Variants in TLN2 observed in about 807,000 individuals in gnomAD.
TLN2 encodes talin 2, also known as talin-2.
A neutral mutation model predicts 294.7 loss-of-function variants in TLN2; 118 were observed. The observed-to-expected ratio is 0.40, with a 90% CI of 0.34 to 0.47. The LOEUF (loss-of-function observed/expected upper bound fraction) is 0.47. Among genes scored for constraint, TLN2 ranks in the 20% least tolerant of loss-of-function variants. The pLI, the probability that TLN2 is intolerant of heterozygous loss-of-function variation, is 0.84. For missense variants in TLN2, 3,083 were observed against 3,282.2 expected (o/e 0.94, Z 1.48); for synonymous variants, 1,431 against 1,304.5 (o/e 1.10, Z -2.09).
chr15:62,442,620 A>T (rs1050098866), intron 1 of TLN2, among the ~76,000 whole-genome samples: 2 of 151,852 alleles, frequency 1.3e-5, no homozygotes, highest in East Asian at 3.9e-4. Context: ...CATTTTGGTG[A>T]CCAGAAGTGT....
intron 1 of TLN2, among the ~76,000 whole-genome samples, chr15:62,412,720 G>T (rs1441143802): frequency 6.6e-6 from 1 of 152,336 alleles, no homozygotes; most frequent in South Asian, 2.1e-4. Flanking sequence ...ATCAGATGGA[G>T]TACAGTTTTT....
At chr15:62,620,610 C>T (rs943765251) in intron 3 of TLN2, among the ~76,000 whole-genome samples, 6 of 151,830 alleles carry the variant, frequency 4.0e-5, no homozygotes, top group African/African-American at 1.2e-4. Flanking sequence ...TCCCTAATAG[C>T]GGGCACTACA....
chr15:62,660,132 G>A (rs186462103), intron 9 of TLN2, among the ~76,000 whole-genome samples: 22 of 152,286 alleles, frequency 1.4e-4, no homozygotes, highest in South Asian at 1.0e-3. Flanking sequence ...TTTCAGTTAC[G>A]TAGTTTCTGA....
At chr15:62,496,369 C>CACAT (rs2039016390) in intron 1 of TLN2, among the ~76,000 whole-genome samples, 7 of 151,834 alleles carry the variant, frequency 4.6e-5, no homozygotes, top group South Asian at 4.1e-4. Flanking sequence ...AGAAATTACA[C>CACAT]GGAACCACAT....
At chr15:62,673,940 T>C in intron 10 of TLN2, 50 bp downstream of exon 10, 1 of 1,478,296 alleles carries the variant, frequency 6.8e-7, no homozygotes. Flanking sequence ...CCCATCCTCA[T>C]TTATTAGTGT....
chr15:62,550,232 G>A (rs768348180), intron 1 of TLN2, among the ~76,000 whole-genome samples: 6 of 152,186 alleles, frequency 3.9e-5, no homozygotes, highest in Non-Finnish European at 8.8e-5. Context: ...ATGTCCAACA[G>A]AGCATACTTA....
intron 30 of TLN2, 92 bp downstream of exon 30, chr15:62,738,425 C>T (rs1316364334): frequency 2.8e-6 from 4 of 1,418,292 alleles, no homozygotes; most frequent in Non-Finnish European, 3.7e-6. Context: ...GATCTCTGAG[C>T]AGCTAACCCT....
chr15:62,770,141 A>G (rs916645616), intron 41 of TLN2, among the ~76,000 whole-genome samples: 2 of 152,208 alleles, frequency 1.3e-5, no homozygotes, highest in African/African-American at 4.8e-5. Context: ...TCTTAGCTGC[A>G]TGAGATGGAG....
rs561208596 is a variant in TLN2, at chr15:62,667,679, C to T, written c.789-6148C>T. On this transcript the variant is annotated intron_variant, in intron 9 of 58. Coordinates refer to ENST00000636159, the MANE Select transcript of TLN2 (RefSeq NM_015059.3). ...TGGTCATGCAGTGACTTGATGGCAG[C>T]CCTGGGACAGATAAGAGGCAGTTCA... Among the ~76,000 whole-genome samples, 4 of 152,324 alleles carry T rather than the reference C, an allele frequency of 2.6e-5. No individual in the cohort carries two copies. The East Asian group carries it at 5.8e-4, about 22-fold the overall frequency.
chr15:62,536,791 G>A (rs2041379170), intron 1 of TLN2, among the ~76,000 whole-genome samples: 2 of 152,194 alleles, frequency 1.3e-5, no homozygotes, highest in South Asian at 4.1e-4. Flanking sequence ...AAAAGTTTTA[G>A]TAGACATGGA....
chr15:62,558,602 C>T (rs1030446664), intron 1 of TLN2, among the ~76,000 whole-genome samples: 3 of 152,122 alleles, frequency 2.0e-5, no homozygotes, highest in Admixed American at 6.5e-5. Context: ...TTTATATATA[C>T]GTGGAAGATA....
At chr15:62,834,170 A>G (rs1201820714) in intron 55 of TLN2, 3 of 150,334 alleles carry the variant, frequency 2.0e-5, no homozygotes, top group Admixed American at 6.6e-5. Context: ...GCATAAAAGT[A>G]TAGTGTTTTT....
At chr15:62,457,142 TC>T (rs1413981962) in intron 1 of TLN2, among the ~76,000 whole-genome samples, 6 of 152,180 alleles carry the variant, frequency 3.9e-5, no homozygotes, top group Admixed American at 3.3e-4. Flanking sequence ...TTTTCACGGT[TC>T]TGGAGGCTGG....
intron 43 of TLN2, among the ~76,000 whole-genome samples, chr15:62,778,787 C>A (rs536871304): frequency 1.3e-5 from 2 of 152,232 alleles, no homozygotes; most frequent in Non-Finnish European, 2.9e-5. Flanking sequence ...GTTCTTCCCC[C>A]CTCAGTTCTG....
intron 42 of TLN2, among the ~76,000 whole-genome samples, chr15:62,775,806 G>A (rs1357625129): frequency 6.6e-6 from 1 of 152,260 alleles, no homozygotes; most frequent in African/African-American, 2.4e-5. Context: ...CCAGTGCCTG[G>A]ATGTAATGCA....
intron 51 of TLN2, 30 bp from the exon 52 acceptor site, chr15:62,809,895 T>G: frequency 6.2e-7 from 1 of 1,607,346 alleles, no homozygotes; most frequent in Non-Finnish European, 8.5e-7. Flanking sequence ...TTTCCCATGT[T>G]AAGATTTCAG....
rs369535910 is a variant in TLN2 at position 62,432,047 on chromosome 15, C to A, written c.-238+41362C>A. Among the ~76,000 whole-genome samples, 74 of 152,334 alleles carry A rather than the reference C, an allele frequency of 4.9e-4. 1 individual carries two copies. Among genetic ancestry groups the A allele is most frequent in the African/African-American group, 1.7e-3 (72 of 41,574 alleles). ...GCAGACAACAAATTCACTTGTGACT[C>A]AGAATCATAGCAGGCCTCGTCCTGG... is the stretch of plus-strand genomic sequence containing the variant. On this transcript the variant is annotated intron_variant, in intron 1 of 58. Transcript: ENST00000636159.
intron 52 of TLN2, among the ~76,000 whole-genome samples, chr15:62,813,073 C>T (rs1255556258): frequency 3.9e-5 from 6 of 152,294 alleles, no homozygotes; most frequent in Non-Finnish European, 7.4e-5. Context: ...GGCTGGAGAT[C>T]GGAAGGAGGG....
At chr15:62,826,905 C>CCTGCT (rs1171259022) in intron 54 of TLN2, among the ~76,000 whole-genome samples, 2 of 152,046 alleles carry the variant, frequency 1.3e-5, no homozygotes, top group Non-Finnish European at 2.9e-5. Context: ...GTTTCTGATG[C>CCTGCT]ACTATGACCT....
Sources: allele counts gnomAD v4.1 joint callset (sites outside exome capture counted in the v4.1 genomes callset), GRCh38; gene constraint gnomAD v4.1.1; transcripts MANE v1.5; gene names NCBI Gene and HGNC (gene_info 2026-07-23, HGNC 2026-07-21).